Variants in WWP1 observed in about 807,000 individuals in gnomAD.
WWP1 encodes NEDD4-like E3 ubiquitin-protein ligase WWP1.
WWP1 carries 49 observed loss-of-function variants against 130.6 expected under a neutral mutation model. The observed-to-expected ratio is 0.38, with a 90% CI of 0.30 to 0.48. WWP1 has a LOEUF of 0.48. WWP1 is among the 20% of genes least tolerant of loss of function. WWP1 has a pLI of 0.99. For synonymous variants in WWP1, 332 were observed against 367.8 expected (o/e 0.90, Z 1.11); for missense variants, 809 against 1,100.6 (o/e 0.74, Z 3.75).
chr8:86,438,794 T>G, intron 17 of WWP1, 121 bp downstream of exon 17: 1 of 796,714 alleles, frequency 1.3e-6, no homozygotes, highest in Non-Finnish European at 1.8e-6. Context: ...ATCCAGAATT[T>G]TTCTCAAAAA....
At chr8:86,374,380 C>T (rs1824505260) in intron 3 of WWP1, among the ~76,000 whole-genome samples, 1 of 152,170 alleles carries the variant, frequency 6.6e-6, no homozygotes. Flanking sequence ...AGTATCATTG[C>T]ATTGGCCCTT....
intron 2 of WWP1, among the ~76,000 whole-genome samples, chr8:86,369,299 G>A (rs374038412): frequency 1.1e-4 from 16 of 152,186 alleles, no homozygotes; most frequent in East Asian, 9.7e-4. Context: ...AATGAAGTGC[G>A]GAGAATAATT....
In WWP1 at chr8:86,441,299, A is replaced by C. The variant is rs79027849; in HGVS notation, c.1839-1320A>C. 5.0e-3 allele frequency among the ~76,000 whole-genome samples: 760 copies of C among 152,296 alleles called. 5 individuals are homozygous for C. Among genetic ancestry groups the C allele is most frequent in the African/African-American group, 0.018 (733 of 41,552 alleles). On this transcript the variant is annotated intron_variant, in intron 17 of 24. Transcript: ENST00000517970. ...TCATAGAGGGAAGTCACTTGGTTCAACTACTACTATGTTACAACTGGACTT... is the reference window on the plus strand; with the variant it reads ...TCATAGAGGGAAGTCACTTGGTTCACCTACTACTATGTTACAACTGGACTT...
intron 11 of WWP1, among the ~76,000 whole-genome samples, chr8:86,428,055 G>C (rs1000419371): frequency 6.6e-6 from 1 of 151,870 alleles, no homozygotes; most frequent in Non-Finnish European, 1.5e-5. Flanking sequence ...TATACATTAA[G>C]TTTTATATCC....
rs1445554494 is a variant in WWP1, at chr8:86,342,928, CG to C, written c.-115+1del. ...CTGCCGGGAGCCGACAGCTTCGCGC[CG>C]GGTAAGGACGGCGCGGCGCGGGGCT... On this transcript the variant is annotated splice_region_variant and 5_prime_UTR_variant, in exon 1 of 25. Coordinates refer to ENST00000517970, the MANE Select transcript of WWP1 (RefSeq NM_007013.4). The C allele has an allele frequency of 1.5e-5, 2 of 136,638 alleles. No individual in the cohort carries two copies. Among genetic ancestry groups the C allele is most frequent in the Non-Finnish European group, 2.8e-5 (2 of 70,452 alleles). 8.5% of individuals were successfully genotyped at this position (136,638 alleles called of 1,614,324 possible).
At chr8:86,387,711 A>T (rs983589418) in intron 5 of WWP1, among the ~76,000 whole-genome samples, 1 of 152,054 alleles carries the variant, frequency 6.6e-6, no homozygotes, top group African/African-American at 2.4e-5. Context: ...TTTGGTAGAG[A>T]TGGGGTTTCA....
chr8:86,366,019 G>C (rs1037339699), intron 1 of WWP1, among the ~76,000 whole-genome samples: 1 of 152,176 alleles, frequency 6.6e-6, no homozygotes, highest in African/African-American at 2.4e-5. Context: ...TTGACATAAC[G>C]TATGTGAAAA....
At chr8:86,434,485 A>G (rs1341797088) in intron 14 of WWP1, among the ~76,000 whole-genome samples, 4 of 152,132 alleles carry the variant, frequency 2.6e-5, no homozygotes, top group South Asian at 2.1e-4. Flanking sequence ...TTTTGCTCAA[A>G]TGTCACTTTG....
At chr8:86,443,740 A>G (rs1184160892) in intron 18 of WWP1, among the ~76,000 whole-genome samples, 1 of 152,224 alleles carries the variant, frequency 6.6e-6, no homozygotes, top group Non-Finnish European at 1.5e-5. Flanking sequence ...TGGATGACAC[A>G]TGAACAGAAA....
intron 24 of WWP1, 90 bp downstream of exon 24, chr8:86,461,936 G>A: frequency 9.8e-7 from 1 of 1,022,308 alleles, no homozygotes; most frequent in Non-Finnish European, 1.5e-6. Flanking sequence ...CAGTATAACT[G>A]CTTATTCATT....
At chr8:86,371,154 C>T (rs986490217) in intron 2 of WWP1, among the ~76,000 whole-genome samples, 21 of 151,420 alleles carry the variant, frequency 1.4e-4, no homozygotes, top group Admixed American at 1.2e-3. Context: ...ATCTCAGCCT[C>T]CCAAAGCACT....
chr8:86,448,603 G>T, intron 20 of WWP1, 90 bp downstream of exon 20: 1 of 1,302,390 alleles, frequency 7.7e-7, no homozygotes, highest in South Asian at 1.9e-5. Context: ...CCCTTTTCAT[G>T]CCTTTGGGAA....
At chr8:86,344,261 G>T (rs1822431480) in intron 1 of WWP1, among the ~76,000 whole-genome samples, 1 of 152,190 alleles carries the variant, frequency 6.6e-6, no homozygotes, top group African/African-American at 2.4e-5. Flanking sequence ...AACATTTTCA[G>T]ATAGTTCTTA....
intron 16 of WWP1, among the ~76,000 whole-genome samples, chr8:86,436,782 A>G (rs1326725775): frequency 6.6e-6 from 1 of 152,178 alleles, no homozygotes; most frequent in Non-Finnish European, 1.5e-5. Context: ...CCCTAGTATT[A>G]TAATGATGAA....
At chr8:86,464,722 T>C (rs1272699095) in intron 24 of WWP1, among the ~76,000 whole-genome samples, 2 of 152,064 alleles carry the variant, frequency 1.3e-5, no homozygotes, top group African/African-American at 4.8e-5. Flanking sequence ...TGCTGTGTTG[T>C]CCCAGGTGGG....
At chr8:86,382,789 C>G (rs1825056258) in intron 5 of WWP1, among the ~76,000 whole-genome samples, 1 of 152,206 alleles carries the variant, frequency 6.6e-6, no homozygotes, top group Admixed American at 6.5e-5. Flanking sequence ...TTCCCGTTGT[C>G]TGACACTTAA....
intron 3 of WWP1, among the ~76,000 whole-genome samples, chr8:86,379,968 A>G (rs1824888480): frequency 6.6e-6 from 1 of 152,208 alleles, no homozygotes; most frequent in Non-Finnish European, 1.5e-5. Context: ...CAGTTACTCA[A>G]CAGAGGGTTA....
intron 20 of WWP1, 54 bp downstream of exon 20, chr8:86,448,567 C>T: frequency 6.5e-7 from 1 of 1,544,012 alleles, no homozygotes; most frequent in South Asian, 1.2e-5. Flanking sequence ...AGAACTAAAT[C>T]CTCTCTCTGT....
chr8:86,440,056 CTATCA>C, intron 17 of WWP1, among the ~76,000 whole-genome samples: 1 of 152,146 alleles, frequency 6.6e-6, no homozygotes, highest in African/African-American at 2.4e-5. Flanking sequence ...GAAACACTGC[CTATCA>C]TAATAAATGT....
Sources: gnomAD v4.1 joint callset for allele counts (sites outside exome capture counted in the v4.1 genomes callset) on GRCh38, gnomAD v4.1.1 for gene constraint, MANE v1.5 for transcripts, NCBI Gene and HGNC (gene_info 2026-07-23, HGNC 2026-07-21) for gene names.